CPSF3: variants seen among roughly 807,000 people sequenced by gnomAD.
The protein encoded by CPSF3 is cleavage and polyadenylation specificity factor subunit 3.
In CPSF3, 57 loss-of-function variants were observed where a neutral mutation model predicts 84.1. The observed-to-expected ratio is 0.68, with a 90% CI of 0.55 to 0.85. The LOEUF is 0.85. CPSF3 is among the 40% of genes least tolerant of loss of function. CPSF3 has a pLI of 0.00. For synonymous variants in CPSF3, 275 were observed against 278.1 expected (o/e 0.99, Z 0.11); for missense variants, 522 against 838.8 (o/e 0.62, Z 4.66).
intron 15 of CPSF3, among the ~76,000 whole-genome samples, chr2:9,459,893 C>T (rs1480895636): frequency 6.6e-6 from 1 of 151,766 alleles, no homozygotes; most frequent in East Asian, 1.9e-4. Context: ...CGTGATCCGC[C>T]CGCCTCAGCC....
At chr2:9,455,547 C>A in intron 12 of CPSF3, 112 bp from the exon 13 acceptor site, 1 of 732,436 alleles carries the variant, frequency 1.4e-6, no homozygotes, top group Non-Finnish European at 2.3e-6. Flanking sequence ...ATCTTGTTAG[C>A]TTTCTGAAAA....
In CPSF3 at chr2:9,441,883, T is replaced by C. The variant is rs776553666; in HGVS notation, c.1002T>C (p.Ser334=). 164 of 1,614,080 alleles carry C rather than the reference T, an allele frequency of 1.0e-4. No homozygotes were observed. Among genetic ancestry groups the C allele is most frequent in the Non-Finnish European group, 1.3e-4 (151 of 1,180,030 alleles). Residue 334 remains serine (S), a synonymous_variant, in exon 9 of 18, where the codon AGT becomes AGC. Coordinates refer to ENST00000238112, the MANE Select transcript of CPSF3 (RefSeq NM_016207.4). ...VVMASPGMMQ[S]GLSRELFESW... is the part of the protein sequence containing the mutation. Reference sequence around the variant, plus strand: ...TGGCCTCCCCAGGCATGATGCAAAGTGGCTTATCCAGAGAATTATTTGAAA... The same window carrying C: ...TGGCCTCCCCAGGCATGATGCAAAGCGGCTTATCCAGAGAATTATTTGAAA...
rs76512430 is a variant in CPSF3 at position 9,428,781 on chromosome 2, G to T, written c.67G>T (p.Val23Leu). 10 of 1,606,468 alleles carry T rather than the reference G, an allele frequency of 6.2e-6. No individual in the cohort carries two copies. Among genetic ancestry groups the T allele is most frequent in the Non-Finnish European group, 8.5e-6 (10 of 1,173,350 alleles). ...TATTTACAGTGGAGCTGGGCAAGAA[G>T]TAGGAAGATCATGTATTATTCTCGA... ...LIRPLGAGQE[V>L]GRSCIILEFK... The change falls in exon 2 of 18, where the codon GTA becomes TTA. Residue 23 changes from valine (V) to leucine (L), a missense_variant. Val to Leu is a conservative substitution (Grantham distance 32). Transcript: ENST00000238112.
Position 9,460,226 on chromosome 2 carries a change from G to A in CPSF3, c.1786+608G>A, listed in dbSNP as rs190005619. 2.7e-3 allele frequency among the ~76,000 whole-genome samples: 415 copies of A among 152,062 alleles called. 1 individual carries two copies. The highest frequency in any genetic ancestry group is 8.8e-3 in the African/African-American group (367 of 41,486). On this transcript the variant is annotated intron_variant, in intron 15 of 17. Coordinates refer to ENST00000238112, the MANE Select transcript of CPSF3 (RefSeq NM_016207.4). ...GCACGGATCACAAGGTCAGGAGATC[G>A]AGACCATCCTGGCTAACACGGTGAA... is the stretch of plus-strand genomic sequence containing the variant.
At chr2:9,430,076 A>G (rs762419805) in intron 3 of CPSF3, 56 bp downstream of exon 3, 5 of 1,021,252 alleles carry the variant, frequency 4.9e-6, no homozygotes, top group Non-Finnish European at 7.2e-6. Flanking sequence ...TATCAAGATC[A>G]TTCTTTACTA....
intron 10 of CPSF3, among the ~76,000 whole-genome samples, chr2:9,445,648 A>G (rs182322910): frequency 2.6e-5 from 4 of 152,310 alleles, no homozygotes; most frequent in African/African-American, 9.6e-5. Context: ...GTCTGTGTGC[A>G]TGAACACTCC....
Position 9,454,366 on chromosome 2 carries a change from C to G in CPSF3, c.1505-1293C>G, listed in dbSNP as rs980975393. ...GAGGTTACAGTGAGCCGAGATCACG[C>G]CATTGCACTCCAACCCGGGCAACAG... On this transcript the variant is annotated intron_variant, in intron 12 of 17. Coordinates refer to ENST00000238112, the MANE Select transcript of CPSF3 (RefSeq NM_016207.4). Among the ~76,000 whole-genome samples, 6 of 152,048 alleles carry G rather than the reference C, an allele frequency of 3.9e-5. No individual in the cohort carries two copies. The South Asian group carries it at 1.2e-3, about 32-fold the overall frequency.
intron 6 of CPSF3, among the ~76,000 whole-genome samples, 161 bp from the exon 7 acceptor site, chr2:9,436,050 G>T (rs1238258995): frequency 6.6e-6 from 1 of 152,090 alleles, no homozygotes; most frequent in Non-Finnish European, 1.5e-5. Context: ...TAGCATTCTT[G>T]CTTGCTCTTC....
rs538449744 is a variant in CPSF3, at chr2:9,435,612, G to A, written c.610-599G>A. Among the ~76,000 whole-genome samples, 5 of 151,476 alleles carry A rather than the reference G, an allele frequency of 3.3e-5. No homozygotes were observed. In the East Asian group the frequency reaches 7.8e-4, roughly 24 times the overall value. ...TAATTTTTGTATTTTTAGTAGAGACGGGGTTTCATCCTGTTGGTCAGACTG... is the reference window on the plus strand; with the variant it reads ...TAATTTTTGTATTTTTAGTAGAGACAGGGTTTCATCCTGTTGGTCAGACTG... On this transcript the variant is annotated intron_variant, in intron 6 of 17. Coordinates refer to ENST00000238112, the MANE Select transcript of CPSF3 (RefSeq NM_016207.4).
At chr2:9,431,606 G>A (rs1433635224) in intron 4 of CPSF3, among the ~76,000 whole-genome samples, 2 of 143,116 alleles carry the variant, frequency 1.4e-5, no homozygotes, top group South Asian at 2.2e-4. Context: ...GTGCAGTGGC[G>A]CTATCTTAGC....
At chr2:9,431,552 C>T (rs77617672) in intron 4 of CPSF3, among the ~76,000 whole-genome samples, 11,797 of 41,458 alleles carry the variant, frequency 0.28, 1,325 homozygotes, top group African/African-American at 0.51. Flanking sequence ...TTTTTTTTTT[C>T]TTTTTTTTTT....
intron 14 of CPSF3, 96 bp downstream of exon 14, chr2:9,457,123 A>G: frequency 1.5e-6 from 1 of 670,920 alleles, no homozygotes; most frequent in Admixed American, 2.9e-5. Context: ...TCCCAATTAG[A>G]AAAAGAATAT....
At chr2:9,461,089 C>A (rs879133453) in intron 15 of CPSF3, among the ~76,000 whole-genome samples, 1 of 152,180 alleles carries the variant, frequency 6.6e-6, no homozygotes, top group African/African-American at 2.4e-5. Context: ...CAATCTAAAT[C>A]TGTTATTCAT....
intron 15 of CPSF3, among the ~76,000 whole-genome samples, chr2:9,460,742 GC>G (rs1244240027): frequency 8.6e-5 from 13 of 151,052 alleles, no homozygotes; most frequent in African/African-American, 2.9e-4. Flanking sequence ...AATGCCTGGG[GC>G]TCAAATGATC....
Position 9,471,299 on chromosome 2 carries a change from A to G in CPSF3, c.1857-44A>G, listed in dbSNP as rs1254041782. The G allele has an allele frequency of 4.4e-6, 5 of 1,145,544 alleles. No individual in the cohort carries two copies. The African/African-American group carries it at 4.6e-5, about 10-fold the overall frequency. The allele number at this position is 1,145,544 out of a possible 1,614,324, so 71.0% of individuals were successfully genotyped here. A position where few individuals can be genotyped will look rare whatever the true frequency, so the allele number is the denominator to read the frequency against. On this transcript the variant is annotated intron_variant, in intron 16 of 17. Coordinates refer to ENST00000238112, the MANE Select transcript of CPSF3 (RefSeq NM_016207.4). ...GTTTTATTTTTTCCTCAAATATATA[A>G]AGCCGGGCATTTTCACTAATCCTGC...
intron 17 of CPSF3, among the ~76,000 whole-genome samples, chr2:9,472,319 CAA>C (rs35266408): frequency 0.011 from 1,284 of 115,768 alleles, 12 homozygotes; most frequent in African/African-American, 0.035. Flanking sequence ...GATTCTGTCT[CAA>C]AAAAAAAAAA....
chr2:9,426,919 A>G (rs1479984835), intron 1 of CPSF3, among the ~76,000 whole-genome samples: 1 of 151,080 alleles, frequency 6.6e-6, no homozygotes, highest in African/African-American at 2.4e-5. Flanking sequence ...CAGCAAGGAC[A>G]GTTTCAGAAA....
chr2:9,436,449 C>T lies in CPSF3; in HGVS notation c.760+88C>T, dbSNP rs192500074. The T allele has an allele frequency of 9.8e-5, 133 of 1,353,636 alleles. 1 individual carries two copies. The East Asian group carries it at 1.5e-3, about 15-fold the overall frequency. The allele number at this position is 1,353,636 out of a possible 1,614,324, so 83.9% of individuals were successfully genotyped here. A position where few individuals can be genotyped will look rare whatever the true frequency, so the allele number is the denominator to read the frequency against. On this transcript the variant is annotated intron_variant, in intron 7 of 17. Transcript: ENST00000238112. ...TGTGGTCTTGGATGAGTCATTCCAC[C>T]GTTCTGGACTTCAGTTTTCTTCATT...
chr2:9,450,504 T>G (rs1427504275), intron 11 of CPSF3, among the ~76,000 whole-genome samples: 2 of 151,874 alleles, frequency 1.3e-5, no homozygotes, highest in Non-Finnish European at 2.9e-5. Flanking sequence ...TATCAACATA[T>G]GGGCCAGGTG....
Sources: allele counts gnomAD v4.1 joint callset (sites outside exome capture counted in the v4.1 genomes callset), GRCh38; gene constraint gnomAD v4.1.1; transcripts MANE v1.5; gene names NCBI Gene and HGNC (gene_info 2026-07-23, HGNC 2026-07-21).